The following PDGFRL variants were observed in gnomAD, a reference collection of about 807,000 sequenced individuals.
PDGFRL encodes the protein platelet-derived growth factor receptor-like protein.
PDGFRL carries 46 observed loss-of-function variants against 37.2 expected under a neutral mutation model. The ratio of observed to expected loss-of-function variants is 1.24; its 90% CI spans 0.98 to 1.58. The LOEUF is 1.58. Among genes scored for constraint, PDGFRL ranks in the 40% most tolerant of loss-of-function variants. The pLI is 0.00. For missense variants in PDGFRL, 692 were observed against 467.6 expected, an observed-to-expected ratio of 1.48 and a Z score of -4.43; for synonymous variants, 251 against 184.3, an observed-to-expected ratio of 1.36 and a Z score of -2.93.
chr8:17,626,110 T>G (rs1200784811), intron 3 of PDGFRL, among the ~76,000 whole-genome samples: 1 of 152,264 alleles, frequency 6.6e-6, no homozygotes, highest in Non-Finnish European at 1.5e-5. Context: ...AAAACAAAAG[T>G]TGCCTCTAAA....
intron 2 of PDGFRL, among the ~76,000 whole-genome samples, chr8:17,594,201 CCT>C (rs1276452490): frequency 2.6e-5 from 4 of 151,978 alleles, no homozygotes; most frequent in Non-Finnish European, 5.9e-5. Context: ...GACGTGGTTT[CCT>C]CTTTGTTTAA....
chr8:17,612,654 A>G lies in PDGFRL; in HGVS notation c.354-8397A>G, dbSNP rs554329336. Among the ~76,000 whole-genome samples, 30 of 152,336 alleles carry G rather than the reference A, an allele frequency of 2.0e-4. No homozygotes were observed. The East Asian group carries it at 5.0e-3, about 25-fold the overall frequency. ...CCAAAGTGCTGGGATTACAGATGTG[A>G]GCCACCACACCTGGCCCAGTTTTTC... is the stretch of plus-strand genomic sequence containing the variant. On this transcript the variant is annotated intron_variant, in intron 2 of 5. Transcript: ENST00000251630.
chr8:17,582,909 C>T (rs141956581), intron 1 of PDGFRL, among the ~76,000 whole-genome samples: 2 of 152,064 alleles, frequency 1.3e-5, no homozygotes, highest in Non-Finnish European at 2.9e-5. Flanking sequence ...GCTCTTCTGC[C>T]GTGCACCACC....
At chr8:17,608,352 T>A (rs1202103435) in intron 2 of PDGFRL, among the ~76,000 whole-genome samples, 1 of 152,156 alleles carries the variant, frequency 6.6e-6, no homozygotes, top group African/African-American at 2.4e-5. Context: ...CTTGACTTCA[T>A]AGCTGGGAAA....
At chr8:17,588,339 G>A (rs1286625313) in intron 1 of PDGFRL, among the ~76,000 whole-genome samples, 2 of 152,118 alleles carry the variant, frequency 1.3e-5, no homozygotes, top group Non-Finnish European at 2.9e-5. Context: ...CCTGACAAAT[G>A]TAATGTCTGC....
At chr8:17,637,449 T>C (rs1804995437) in intron 5 of PDGFRL, among the ~76,000 whole-genome samples, 1 of 152,230 alleles carries the variant, frequency 6.6e-6, no homozygotes, top group African/African-American at 2.4e-5. Context: ...ATCTATTTGA[T>C]ATGCTGTTGG....
At chr8:17,608,207 C>T (rs1804325500) in intron 2 of PDGFRL, among the ~76,000 whole-genome samples, 1 of 152,186 alleles carries the variant, frequency 6.6e-6, no homozygotes, top group Non-Finnish European at 1.5e-5. Context: ...AGACCACATC[C>T]TACTGTCCAA....
Position 17,600,533 on chromosome 8 carries a change from G to A in PDGFRL, c.353+10768G>A, listed in dbSNP as rs184413438. Among the ~76,000 whole-genome samples, 9 of 151,950 alleles carry A rather than the reference G, an allele frequency of 5.9e-5. No individual in the cohort carries two copies. In the East Asian group the frequency reaches 7.8e-4, roughly 13 times the overall value. On this transcript the variant is annotated intron_variant, in intron 2 of 5. Coordinates refer to ENST00000251630, the MANE Select transcript of PDGFRL (RefSeq NM_001372073.1). ...GGATCTTTCATGAGCTTTTATTTACGCTGAACCATCTATCCTAGCAACAGG... is the reference window on the plus strand; with the variant it reads ...GGATCTTTCATGAGCTTTTATTTACACTGAACCATCTATCCTAGCAACAGG...
chr8:17,636,782 T>C (rs1025917237), intron 5 of PDGFRL, among the ~76,000 whole-genome samples: 2 of 152,188 alleles, frequency 1.3e-5, no homozygotes, highest in African/African-American at 4.8e-5. Flanking sequence ...GTGTCATCTA[T>C]GATTTCTTTC....
intron 2 of PDGFRL, among the ~76,000 whole-genome samples, chr8:17,595,970 G>A (rs1404459940): frequency 6.6e-6 from 1 of 152,244 alleles, no homozygotes; most frequent in Admixed American, 6.5e-5. Flanking sequence ...TCCAGTGGGT[G>A]AAACCTGGGA....
intron 5 of PDGFRL, among the ~76,000 whole-genome samples, chr8:17,642,076 C>T (rs1805128162): frequency 6.6e-6 from 1 of 151,948 alleles, no homozygotes; most frequent in Non-Finnish European, 1.5e-5. Flanking sequence ...ATTATCTTAC[C>T]CATCCTTGGT....
chr8:17,591,968 A>T (rs1803949987), intron 2 of PDGFRL, among the ~76,000 whole-genome samples: 1 of 152,130 alleles, frequency 6.6e-6, no homozygotes, highest in African/African-American at 2.4e-5. Context: ...CAGACTCTGC[A>T]TGTTCACAAC....
At chr8:17,618,747 A>T (rs1197651779) in intron 2 of PDGFRL, among the ~76,000 whole-genome samples, 1 of 151,714 alleles carries the variant, frequency 6.6e-6, no homozygotes. Context: ...CTTACTGCAT[A>T]CTCTGCACAG....
At chr8:17,615,728 G>A (rs1423733687) in intron 2 of PDGFRL, among the ~76,000 whole-genome samples, 9 of 152,096 alleles carry the variant, frequency 5.9e-5, no homozygotes, top group Admixed American at 3.9e-4. Context: ...TAGCCTGGGC[G>A]ACGCAGCAAG....
At position 17,591,558 on chromosome 8, in the gene PDGFRL, T is replaced by C. The variant is rs373066690; in HGVS notation, c.353+1793T>C. 2.2e-4 allele frequency among the ~76,000 whole-genome samples: 34 copies of C among 152,216 alleles called. 1 individual carries two copies. The highest frequency in any genetic ancestry group is 7.2e-4 in the African/African-American group (30 of 41,528). On this transcript the variant is annotated intron_variant, in intron 2 of 5. Coordinates refer to ENST00000251630, the MANE Select transcript of PDGFRL (RefSeq NM_001372073.1). ...CCTATTTCCGTATATGATGGAGAAA[T>C]AGGATGGACTTACAATGGAGAAATA...
rs1805176859 is a variant in PDGFRL, at chr8:17,642,856, G to C, written c.*55G>C. 1 of 1,158,610 alleles carries C rather than the reference G, an allele frequency of 8.6e-7. No homozygotes were observed. Among genetic ancestry groups the C allele is most frequent in the South Asian group, 1.3e-5 (1 of 75,156 alleles). 71.8% of individuals were successfully genotyped at this position (1,158,610 alleles called of 1,614,324 possible). On this transcript the variant is annotated 3_prime_UTR_variant, in exon 6 of 6. Transcript: ENST00000251630. ...GAAAGCCCATTTGTGTACACAGTCA[G>C]CTTTGGGGTTCCTTTTATTAGTGCT...
intron 2 of PDGFRL, among the ~76,000 whole-genome samples, chr8:17,599,665 C>G (rs578050736): frequency 4.2e-4 from 64 of 152,326 alleles, no homozygotes; most frequent in African/African-American, 1.5e-3. Flanking sequence ...TTGGCAAAAT[C>G]AATACATTTC....
chr8:17,638,393 C>T (rs562714921), intron 5 of PDGFRL, among the ~76,000 whole-genome samples: 33 of 151,992 alleles, frequency 2.2e-4, no homozygotes, highest in African/African-American at 2.7e-4. Flanking sequence ...TTTATTCCAC[C>T]GTGGTCTGAG....
chr8:17,577,225 C>T lies in PDGFRL; in HGVS notation c.-28C>T. The T allele has an allele frequency of 1.2e-6, 2 of 1,608,974 alleles. No homozygotes were observed. Among genetic ancestry groups the T allele is most frequent in the South Asian group, 1.1e-5 (1 of 89,832 alleles). On this transcript the variant is annotated 5_prime_UTR_variant, in exon 1 of 6. Coordinates refer to ENST00000251630, the MANE Select transcript of PDGFRL (RefSeq NM_001372073.1). ...CCCGCCCCGCGCAGCCGCCGCGCTCCTGCGCTCCGAGGTCCGAGGTTCCCG... is the reference window on the plus strand; with the variant it reads ...CCCGCCCCGCGCAGCCGCCGCGCTCTTGCGCTCCGAGGTCCGAGGTTCCCG...
Sources: allele counts gnomAD v4.1 joint callset (sites outside exome capture counted in the v4.1 genomes callset), GRCh38; gene constraint gnomAD v4.1.1; transcripts MANE v1.5; gene names NCBI Gene and HGNC (gene_info 2026-07-23, HGNC 2026-07-21).